The following RGS6 variants were observed in gnomAD, a reference collection of about 807,000 sequenced individuals.
RGS6 encodes regulator of G protein signaling 6.
RGS6 carries 30 observed loss-of-function variants against 78.5 expected under a neutral mutation model. That is an observed-to-expected ratio of 0.38 (90% CI 0.29 to 0.52). The LOEUF (loss-of-function observed/expected upper bound fraction) is 0.52, where lower values mean the gene tolerates loss of function less well. Ranked by LOEUF, RGS6 falls within the 20% of genes least tolerant of loss-of-function variation. The pLI, the probability that RGS6 is intolerant of heterozygous loss-of-function variation, is 0.85. For synonymous variants in RGS6, 206 were observed against 206.0 expected (o/e 1.00, Z 0.00); for missense variants, 495 against 609.7 (o/e 0.81, Z 1.98).
At chr14:72,062,001 T>G (rs1385349572) in intron 2 of RGS6, among the ~76,000 whole-genome samples, 1 of 152,182 alleles carries the variant, frequency 6.6e-6, no homozygotes, top group East Asian at 1.9e-4. Flanking sequence ...GTGAGAGAAT[T>G]GGGTAATAAG....
chr14:71,934,342 AAG>A (rs2088597372), intron 1 of RGS6, among the ~76,000 whole-genome samples: 1 of 152,206 alleles, frequency 6.6e-6, no homozygotes, highest in Non-Finnish European at 1.5e-5. Flanking sequence ...CCTTTCCTGA[AAG>A]AGTCTGCAAG....
chr14:72,041,125 T>C (rs762413887), intron 2 of RGS6, among the ~76,000 whole-genome samples: 3 of 151,424 alleles, frequency 2.0e-5, no homozygotes, highest in Non-Finnish European at 4.4e-5. Context: ...GATTGGGCCA[T>C]GTTCCCCTGA....
At chr14:71,947,128 G>A (rs2091640982) in intron 1 of RGS6, among the ~76,000 whole-genome samples, 1 of 152,114 alleles carries the variant, frequency 6.6e-6, no homozygotes, top group Non-Finnish European at 1.5e-5. Context: ...TTATGCACAA[G>A]GGCACTCCTC....
chr14:72,403,700 A>G (rs908675232), intron 3 of RGS6, among the ~76,000 whole-genome samples: 18 of 152,230 alleles, frequency 1.2e-4, no homozygotes, highest in African/African-American at 4.3e-4. Flanking sequence ...ATACCACTCT[A>G]TACCCTATAA....
At chr14:72,161,322 C>T (rs776448922) in intron 2 of RGS6, among the ~76,000 whole-genome samples, 1 of 151,964 alleles carries the variant, frequency 6.6e-6, no homozygotes, top group South Asian at 2.1e-4. Context: ...CACCATGGCA[C>T]GTGTATACCT....
chr14:72,608,433 C>A, the RGS6 span, among the ~76,000 whole-genome samples: 1 of 152,116 alleles, frequency 6.6e-6, no homozygotes, highest in East Asian at 1.9e-4. Context: ...TTGCCCAGGG[C>A]AGCCAACTCA....
chr14:72,487,165 A>G (rs968024038), intron 12 of RGS6, among the ~76,000 whole-genome samples: 2 of 152,210 alleles, frequency 1.3e-5, no homozygotes, highest in Non-Finnish European at 2.9e-5. Context: ...ATGAGGGTGC[A>G]TAGATTCATG....
At chr14:72,504,704 C>A (rs2153433351) in intron 13 of RGS6, among the ~76,000 whole-genome samples, 1 of 150,562 alleles carries the variant, frequency 6.6e-6, no homozygotes, top group South Asian at 2.1e-4. Context: ...AGTTTAGGTT[C>A]CTCTCCCCTC....
intron 2 of RGS6, among the ~76,000 whole-genome samples, chr14:72,070,657 A>G (rs942316609): frequency 6.6e-6 from 1 of 152,156 alleles, no homozygotes; most frequent in Non-Finnish European, 1.5e-5. Context: ...CTGCTAGCCC[A>G]TGTGGCTCCA....
intron 2 of RGS6, among the ~76,000 whole-genome samples, chr14:71,979,617 T>TG (rs1372977824): frequency 5.9e-5 from 9 of 151,794 alleles, no homozygotes; most frequent in African/African-American, 2.2e-4. Context: ...GATTGCACTG[T>TG]GGTCTGAGAG....
chr14:72,342,483 T>A (rs2077193802), intron 2 of RGS6, among the ~76,000 whole-genome samples: 1 of 151,600 alleles, frequency 6.6e-6, no homozygotes, highest in Non-Finnish European at 1.5e-5. Flanking sequence ...GGAGAACTGC[T>A]TGAACCCAGG....
intron 13 of RGS6, among the ~76,000 whole-genome samples, chr14:72,496,989 T>C (rs1030158658): frequency 2.6e-5 from 4 of 152,204 alleles, no homozygotes; most frequent in Non-Finnish European, 5.9e-5. Context: ...AGATTTATTT[T>C]ACCAGTACCT....
At chr14:72,069,892 A>G (rs1176914147) in intron 2 of RGS6, among the ~76,000 whole-genome samples, 1 of 152,178 alleles carries the variant, frequency 6.6e-6, no homozygotes, top group Non-Finnish European at 1.5e-5. Flanking sequence ...ATTTATTCAC[A>G]TATTTGCCAC....
intron 3 of RGS6, among the ~76,000 whole-genome samples, chr14:72,370,018 G>A (rs2083169416): frequency 6.6e-6 from 1 of 151,948 alleles, no homozygotes; most frequent in South Asian, 2.1e-4. Context: ...ATCCTCAACA[G>A]AAGCAAAGCC....
At chr14:72,508,112 G>C (rs1348512745) in intron 13 of RGS6, among the ~76,000 whole-genome samples, 1 of 152,160 alleles carries the variant, frequency 6.6e-6, no homozygotes, top group Non-Finnish European at 1.5e-5. Flanking sequence ...CCCATTGTTT[G>C]ACCTGATGGG....
In RGS6 at chr14:72,415,332, T is replaced by C. The variant is rs550145110; in HGVS notation, c.185-39196T>C. Among the ~76,000 whole-genome samples, 287 of 152,384 alleles carry C rather than the reference T, an allele frequency of 1.9e-3. 2 individuals carry two copies. The highest frequency in any genetic ancestry group is 6.2e-3 in the African/African-American group (260 of 41,604). ...GCGAAGCTCCGTGGGCATAGGACTCTCCAAGCCAGGTGCAGGATATAATCT... is the reference window on the plus strand; with the variant it reads ...GCGAAGCTCCGTGGGCATAGGACTCCCCAAGCCAGGTGCAGGATATAATCT... On this transcript the variant is annotated intron_variant, in intron 3 of 17. Transcript: ENST00000553525.
At chr14:72,397,893 G>A (rs1274965995) in intron 3 of RGS6, among the ~76,000 whole-genome samples, 4 of 152,178 alleles carry the variant, frequency 2.6e-5, no homozygotes, top group Non-Finnish European at 5.9e-5. Flanking sequence ...GCATCCCAGG[G>A]ATGAAGCCCA....
At chr14:71,904,412 G>C in the RGS6 span, among the ~76,000 whole-genome samples, 1 of 152,210 alleles carries the variant, frequency 6.6e-6, no homozygotes. Flanking sequence ...ATCAGGAAAG[G>C]GGAGTTCTCT....
At chr14:72,007,881 A>G (rs2084889874) in intron 2 of RGS6, among the ~76,000 whole-genome samples, 1 of 152,166 alleles carries the variant, frequency 6.6e-6, no homozygotes, top group Non-Finnish European at 1.5e-5. Flanking sequence ...AAGAAACACC[A>G]TCAGCTGGAA....
Sources: allele counts gnomAD v4.1 joint callset (sites outside exome capture counted in the v4.1 genomes callset), GRCh38; gene constraint gnomAD v4.1.1; transcripts MANE v1.5; gene names NCBI Gene and HGNC (gene_info 2026-07-23, HGNC 2026-07-21).